The following FGGY variants were observed in gnomAD, a reference collection of about 807,000 sequenced individuals.
FGGY encodes FGGY carbohydrate kinase domain-containing protein.
Under a neutral mutation model 71.3 loss-of-function variants are expected in FGGY, and 72 were observed. That is an observed-to-expected ratio of 1.01 (90% CI 0.84 to 1.23). The LOEUF is 1.23. FGGY is among the 50% of genes most tolerant of loss of function. The pLI is 0.00. For synonymous variants in FGGY, 251 were observed against 250.3 expected, an observed-to-expected ratio of 1.00 and a Z score of -0.02; for missense variants, 668 against 682.3, an observed-to-expected ratio of 0.98 and a Z score of 0.23.
intron 7 of FGGY, among the ~76,000 whole-genome samples, chr1:59,526,921 A>G (rs1448656719): frequency 1.3e-5 from 2 of 152,184 alleles, no homozygotes; most frequent in Admixed American, 6.5e-5. Flanking sequence ...TCACAGGGTT[A>G]TTTTAGAGAT....
intron 14 of FGGY, among the ~76,000 whole-genome samples, chr1:59,710,576 A>G (rs1397768690): frequency 6.6e-6 from 1 of 152,270 alleles, no homozygotes; most frequent in African/African-American, 2.4e-5. Context: ...TCCAGAATTT[A>G]CAAAGAACTT....
intron 14 of FGGY, among the ~76,000 whole-genome samples, chr1:59,680,500 A>C (rs1165236764): frequency 3.3e-5 from 5 of 151,290 alleles, no homozygotes; most frequent in Non-Finnish European, 7.4e-5. Flanking sequence ...AAAAAAAAAA[A>C]AATAGAATAA....
At chr1:59,593,197 G>C (rs763364837) in intron 8 of FGGY, among the ~76,000 whole-genome samples, 6 of 152,226 alleles carry the variant, frequency 3.9e-5, no homozygotes, top group Non-Finnish European at 7.3e-5. Flanking sequence ...AATCAAAACA[G>C]AAATGAACCA....
At chr1:59,562,609 C>G (rs772605660) in intron 8 of FGGY, among the ~76,000 whole-genome samples, 1 of 152,184 alleles carries the variant, frequency 6.6e-6, no homozygotes, top group Non-Finnish European at 1.5e-5. Flanking sequence ...AACTGCCAAA[C>G]TGTTTTCCAA....
intron 5 of FGGY, among the ~76,000 whole-genome samples, chr1:59,444,202 C>G (rs2070682847): frequency 6.6e-6 from 1 of 152,152 alleles, no homozygotes; most frequent in Non-Finnish European, 1.5e-5. Context: ...TGATGGAAAC[C>G]CTTGACCCCG....
At chr1:59,599,686 C>CA (rs76397509) in intron 8 of FGGY, among the ~76,000 whole-genome samples, 14,263 of 48,802 alleles carry the variant, frequency 0.29, 1,374 homozygotes, top group South Asian at 0.39. Flanking sequence ...GAGCAAGACT[C>CA]AAAAAAAAAA....
At chr1:59,698,873 G>GAATT (rs1287153109) in intron 14 of FGGY, 1 of 985,290 alleles carries the variant, frequency 1.0e-6, no homozygotes, top group African/African-American at 1.7e-5. Flanking sequence ...TAATGAAACT[G>GAATT]AATTGTACAT....
At chr1:59,298,098 A>G (rs2042234462) in intron 1 of FGGY, among the ~76,000 whole-genome samples, 1 of 152,140 alleles carries the variant, frequency 6.6e-6, no homozygotes, top group Non-Finnish European at 1.5e-5. Flanking sequence ...TGCTTTGTAT[A>G]GTTTTTGCTT....
At chr1:59,468,364 T>TA (rs1198515262) in intron 6 of FGGY, among the ~76,000 whole-genome samples, 1 of 152,220 alleles carries the variant, frequency 6.6e-6, no homozygotes, top group African/African-American at 2.4e-5. Context: ...AGATACACCC[T>TA]ATGTTGAGTG....
chr1:59,341,029 T>A (rs1033196350), intron 3 of FGGY, among the ~76,000 whole-genome samples: 4 of 152,186 alleles, frequency 2.6e-5, no homozygotes, highest in Non-Finnish European at 5.9e-5. Context: ...CCCTTGATTC[T>A]GCACACTGTT....
At chr1:59,327,302 T>C (rs955202111) in intron 2 of FGGY, among the ~76,000 whole-genome samples, 1 of 152,226 alleles carries the variant, frequency 6.6e-6, no homozygotes, top group Non-Finnish European at 1.5e-5. Flanking sequence ...TTCTAAATTG[T>C]TTGTTGTCAT....
At chr1:59,417,375 C>A (rs2064651715) in intron 5 of FGGY, among the ~76,000 whole-genome samples, 1 of 152,190 alleles carries the variant, frequency 6.6e-6, no homozygotes, top group Non-Finnish European at 1.5e-5. Context: ...GTTACTGTGA[C>A]TAATGCTGCT....
Position 59,436,048 on chromosome 1 carries a change from G to A in FGGY, c.555-20913G>A, listed in dbSNP as rs141344329. ...TTTGAACTGATCATGACAGCATCTC[G>A]CTTGAATCCCATCATTGCCTCCCTA... is the stretch of plus-strand genomic sequence containing the variant. On this transcript the variant is annotated intron_variant, in intron 5 of 15. Coordinates refer to ENST00000303721, the MANE Select transcript of FGGY (RefSeq NM_018291.5). 4.4e-3 allele frequency among the ~76,000 whole-genome samples: 677 copies of A among 152,158 alleles called. 4 individuals carry two copies. Among genetic ancestry groups the A allele is most frequent in the African/African-American group, 0.016 (653 of 41,520 alleles).
intron 6 of FGGY, among the ~76,000 whole-genome samples, chr1:59,507,546 C>T (rs2094418122): frequency 6.6e-6 from 1 of 152,168 alleles, no homozygotes; most frequent in East Asian, 1.9e-4. Flanking sequence ...GACGGAGTCT[C>T]ATTCTTGTTG....
chr1:59,312,845 C>T (rs1335945277), intron 1 of FGGY, among the ~76,000 whole-genome samples: 1 of 152,190 alleles, frequency 6.6e-6, no homozygotes, highest in Non-Finnish European at 1.5e-5. Flanking sequence ...ATTCTTGTGG[C>T]TGCCACATTG....
At chr1:59,308,229 C>A (rs371745435) in intron 1 of FGGY, among the ~76,000 whole-genome samples, 101 of 152,260 alleles carry the variant, frequency 6.6e-4, no homozygotes, top group African/African-American at 2.2e-3. Context: ...GAAGACCCAA[C>A]AGGAGGTCAT....
At chr1:59,535,820 T>G (rs1214674609) in intron 7 of FGGY, among the ~76,000 whole-genome samples, 1 of 148,406 alleles carries the variant, frequency 6.7e-6, no homozygotes, top group Non-Finnish European at 1.5e-5. Context: ...ATCTCTGGGA[T>G]GCATTCAAAG....
At chr1:59,470,369 CT>C (rs2092878687) in intron 6 of FGGY, among the ~76,000 whole-genome samples, 1 of 152,128 alleles carries the variant, frequency 6.6e-6, no homozygotes, top group Non-Finnish European at 1.5e-5. Flanking sequence ...TGATGTTGAC[CT>C]TTTTTTCATA....
intron 5 of FGGY, among the ~76,000 whole-genome samples, chr1:59,455,667 G>A (rs72913793): frequency 0.024 from 3,680 of 152,290 alleles, 164 homozygotes; most frequent in African/African-American, 0.085. Flanking sequence ...CAATAAGACT[G>A]TAGGGGAGCA....
Sources: gnomAD v4.1 joint callset for allele counts (sites outside exome capture counted in the v4.1 genomes callset) on GRCh38, gnomAD v4.1.1 for gene constraint, MANE v1.5 for transcripts, NCBI Gene and HGNC (gene_info 2026-07-23, HGNC 2026-07-21) for gene names.